RADIL: variants seen among roughly 807,000 people sequenced by gnomAD.
RADIL encodes Rap associating with DIL domain.
RADIL carries 99 observed loss-of-function variants against 97.6 expected under a neutral mutation model. That is an observed-to-expected ratio of 1.01 (90% confidence interval 0.86 to 1.20). The LOEUF (loss-of-function observed/expected upper bound fraction) is 1.20, where lower values mean the gene tolerates loss of function less well. RADIL is among the 50% of genes most tolerant of loss of function. The pLI is 0.00. For synonymous variants in RADIL, 803 were observed against 691.8 expected, an observed-to-expected ratio of 1.16 and a Z score of -2.52; for missense variants, 1,765 against 1,498.9, an observed-to-expected ratio of 1.18 and a Z score of -2.93.
Position 4,815,578 on chromosome 7 carries a change from A to G in RADIL, c.1967-128T>C. On this transcript the variant is annotated intron_variant, in intron 8 of 14. Coordinates refer to ENST00000399583, the MANE Select transcript of RADIL (RefSeq NM_018059.5). The surrounding 1 kb of genome is among the most constrained non-coding windows in gnomAD (Gnocchi z 8.0). ...AGGACATCACAGCTCGATGACAGGC[A>G]GGACACCTTCCCTCGGTTTTCAAGG... 1 of 1,047,356 alleles carries G rather than the reference A, an allele frequency of 9.5e-7. No individual in the cohort carries two copies. Among genetic ancestry groups the G allele is most frequent in the Non-Finnish European group, 1.3e-6 (1 of 752,514 alleles). The allele number at this position is 1,047,356 out of a possible 1,614,324, so 64.9% of individuals were successfully genotyped here.
At chr7:4,861,468 T>C in intron 2 of RADIL, 1 of 1,614,152 alleles carries the variant, frequency 6.2e-7, no homozygotes, top group Non-Finnish European at 8.5e-7. Context: ...AAGGCGTCAA[T>C]ATCTGCGCCT....
chr7:4,812,576 C>T (rs961275840), intron 9 of RADIL, among the ~76,000 whole-genome samples: 3 of 152,178 alleles, frequency 2.0e-5, no homozygotes, highest in Admixed American at 6.5e-5. Flanking sequence ...CACGTGCCAC[C>T]ACGCCCAGCT....
chr7:4,799,826 G>C (rs1216457563), intron 13 of RADIL, 57 bp from the exon 14 acceptor site: 2 of 1,447,862 alleles, frequency 1.4e-6, no homozygotes, highest in African/African-American at 2.8e-5. Flanking sequence ...TCCCCAGCGA[G>C]GACCACTGCA....
chr7:4,814,665 G>C lies in RADIL; in HGVS notation c.2139+613C>G, dbSNP rs1203819337. On this transcript the variant is annotated intron_variant, in intron 9 of 14. Coordinates refer to ENST00000399583, the MANE Select transcript of RADIL (RefSeq NM_018059.5). This position sits in a 1 kb window ranked among gnomAD's most constrained non-coding sequence, Gnocchi z 4.5. ...CACGCCTGGCGGTCACGGCCACACA[G>C]TGCACTCTCACAGCTCCGCGGCTCC... Among the ~76,000 whole-genome samples the C allele has an allele frequency of 6.6e-6, 1 of 152,188 alleles. No homozygotes were observed. Among genetic ancestry groups the C allele is most frequent in the Non-Finnish European group, 1.5e-5 (1 of 68,030 alleles).
chr7:4,817,300 A>G lies in RADIL; in HGVS notation c.1667T>C (p.Met556Thr). 1 of 1,612,680 alleles carries G rather than the reference A, an allele frequency of 6.2e-7. No individual in the cohort carries two copies. Among genetic ancestry groups the G allele is most frequent in the Non-Finnish European group, 8.5e-7 (1 of 1,179,752 alleles). ...CAGCACCACCTCCTCCAGCACCGCC[A>G]TGGCCTCCTCGCTGGCCGTCAGCGT... is the stretch of plus-strand genomic sequence containing the variant. ...SCTLTASEEA[M>T]AVLEEVVLYA... The change falls in exon 7 of 15, where the codon ATG becomes ACG. Residue 556 changes from methionine to threonine, a missense_variant. By Grantham distance (81) the Met-to-Thr change is moderately conservative. Coordinates refer to ENST00000399583, the MANE Select transcript of RADIL (RefSeq NM_018059.5). This position sits in a 1 kb window ranked among gnomAD's most constrained non-coding sequence, Gnocchi z 8.3.
intron 2 of RADIL, among the ~76,000 whole-genome samples, chr7:4,876,503 G>A (rs1784381673): frequency 6.6e-6 from 1 of 152,154 alleles, no homozygotes; most frequent in African/African-American, 2.4e-5. Flanking sequence ...GTTTCACCAT[G>A]TTGGCCAGGC....
At chr7:4,869,004 G>C (rs756017016) in intron 2 of RADIL, among the ~76,000 whole-genome samples, 9 of 152,186 alleles carry the variant, frequency 5.9e-5, no homozygotes, top group Non-Finnish European at 1.0e-4. Flanking sequence ...GCAGCTGTCT[G>C]TGATCCCAGC....
In RADIL at chr7:4,803,645, C is replaced by G. The variant is rs892790107; in HGVS notation, c.2400G>C (p.Leu800=). ...NCLDDSIYQH[L]LYVRHFLWGL... ...CCCACAGAAAGTGGCGGACGTAGAG[C>G]AGGTGCTGGTAGATGCTGTCGTCCA... The change falls in exon 11 of 15, where the codon CTG becomes CTC. Residue 800 remains leucine (L), a synonymous_variant. Coordinates refer to ENST00000399583, the MANE Select transcript of RADIL (RefSeq NM_018059.5). 2.6e-6 allele frequency: 4 copies of G among 1,550,254 alleles called. No individual in the cohort carries two copies. The African/African-American group carries it at 5.5e-5, about 21-fold the overall frequency.
Position 4,861,591 on chromosome 7 carries a change from T to C in RADIL, c.535+16014A>G, listed in dbSNP as rs763319387. Reference sequence around the variant, plus strand: ...TCACTGATTTCGCGTATCCATTCCTTTACCAGATTATTTAATTTTTCCAAA... The same window carrying C: ...TCACTGATTTCGCGTATCCATTCCTCTACCAGATTATTTAATTTTTCCAAA... On this transcript the variant is annotated intron_variant, in intron 2 of 14. Coordinates refer to ENST00000399583, the MANE Select transcript of RADIL (RefSeq NM_018059.5). 1.9e-6 allele frequency: 3 copies of C among 1,612,154 alleles called. No homozygotes were observed. In the South Asian group the frequency reaches 3.3e-5, roughly 18 times the overall value.
At chr7:4,829,401 C>A (rs917025638) in intron 5 of RADIL, among the ~76,000 whole-genome samples, 4 of 152,194 alleles carry the variant, frequency 2.6e-5, no homozygotes, top group African/African-American at 9.7e-5. Context: ...TCAGCTCTCC[C>A]TGGGCCGGGC....
intron 9 of RADIL, chr7:4,806,071 T>C (rs866429319): frequency 1.0e-6 from 1 of 984,928 alleles, no homozygotes; most frequent in African/African-American, 1.7e-5. Context: ...GTGAAAGAAA[T>C]CAATCAAGTC....
At chr7:4,846,061 G>A (rs570662029) in intron 2 of RADIL, among the ~76,000 whole-genome samples, 1 of 152,304 alleles carries the variant, frequency 6.6e-6, no homozygotes, top group South Asian at 2.1e-4. Flanking sequence ...CCCTATGGAG[G>A]GCGCTGTTTC....
chr7:4,870,761 C>T (rs1784234467), intron 2 of RADIL, among the ~76,000 whole-genome samples: 1 of 152,156 alleles, frequency 6.6e-6, no homozygotes, highest in African/African-American at 2.4e-5. Context: ...GTCTTTCAAA[C>T]AGTTCACACC....
intron 12 of RADIL, 84 bp downstream of exon 12, chr7:4,801,569 G>C (rs944400515): frequency 2.2e-5 from 31 of 1,423,062 alleles, no homozygotes; most frequent in Non-Finnish European, 2.9e-5. Flanking sequence ...GGACCCAAGG[G>C]GGGAACGATC....
chr7:4,853,491 C>T (rs900993902), intron 2 of RADIL, among the ~76,000 whole-genome samples: 10 of 152,018 alleles, frequency 6.6e-5, no homozygotes, highest in African/African-American at 2.4e-4. Context: ...ACCCGTAATC[C>T]CAGCACTTTG....
At chr7:4,806,864 G>A (rs907481016) in intron 9 of RADIL, among the ~76,000 whole-genome samples, 2 of 152,156 alleles carry the variant, frequency 1.3e-5, no homozygotes, top group Admixed American at 6.5e-5. Context: ...CGTGCTGCTC[G>A]TCCAAAGCAA....
At chr7:4,838,088 G>A in intron 2 of RADIL, 1 of 982,616 alleles carries the variant, frequency 1.0e-6, no homozygotes, top group Non-Finnish European at 1.2e-6. Flanking sequence ...GCGTGAGGGA[G>A]GCCGCCCAGC....
intron 2 of RADIL, chr7:4,859,789 AT>A: frequency 1.5e-6 from 1 of 679,358 alleles, no homozygotes. Flanking sequence ...TGCTGTCTGA[AT>A]TTTTCTAATG....
At chr7:4,808,012 T>C (rs1583267485) in intron 9 of RADIL, among the ~76,000 whole-genome samples, 3 of 48,448 alleles carry the variant, frequency 6.2e-5, no homozygotes, top group African/African-American at 2.2e-4. Flanking sequence ...CCCTCCTCCC[T>C]CTCCTCTCCC....
Sources: allele counts gnomAD v4.1 joint callset (sites outside exome capture counted in the v4.1 genomes callset), GRCh38; gene constraint gnomAD v4.1.1; non-coding constraint Gnocchi (gnomAD v3.1); transcripts MANE v1.5; gene names NCBI Gene and HGNC (gene_info 2026-07-23, HGNC 2026-07-21).